PSMF1: variants seen among roughly 807,000 people sequenced by gnomAD.
PSMF1 encodes the protein proteasome inhibitor subunit 1.
A neutral mutation model predicts 29.3 loss-of-function variants in PSMF1; 30 were observed. The observed-to-expected ratio is 1.02, with a 90% CI of 0.77 to 1.39. The LOEUF (loss-of-function observed/expected upper bound fraction) is 1.39. Ranked by LOEUF, PSMF1 falls within the 40% of genes most tolerant of loss-of-function variation. PSMF1 has a pLI of 0.00. For missense variants in PSMF1, 344 were observed against 357.5 expected (o/e 0.96, Z 0.31); for synonymous variants, 134 against 139.7 (o/e 0.96, Z 0.29).
intron 3 of PSMF1, among the ~76,000 whole-genome samples, chr20:1,129,036 T>G (rs1817733321): frequency 6.6e-6 from 1 of 151,810 alleles, no homozygotes; most frequent in African/African-American, 2.4e-5. Context: ...CCACCACGCC[T>G]GGCAATTTTT....
At position 1,166,244 on chromosome 20, in the gene PSMF1, G is replaced by A. The variant is rs773316579; in HGVS notation, c.*1164G>A. The A allele has an allele frequency of 1.1e-4, 173 of 1,612,438 alleles. No homozygotes were observed. The highest frequency in any genetic ancestry group is 1.8e-4 in the Admixed American group (11 of 59,990). Reference sequence around the variant, plus strand: ...CTTTTCAGCCCGAGGCCTGACAGACGCGGGCAGTGATGAGCCCTGTTCTGG... The same window carrying A: ...CTTTTCAGCCCGAGGCCTGACAGACACGGGCAGTGATGAGCCCTGTTCTGG... On this transcript the variant is annotated 3_prime_UTR_variant, in exon 7 of 7. Coordinates refer to ENST00000335877, the MANE Select transcript of PSMF1 (RefSeq NM_006814.5).
In PSMF1 at chr20:1,118,892, T is replaced by A. The variant is rs781158976; in HGVS notation, c.119T>A (p.Val40Asp). The change falls in exon 1 of 7, where the codon GTC becomes GAC. Residue 40 changes from valine to aspartate, a missense_variant. Coordinates refer to ENST00000335877, the MANE Select transcript of PSMF1 (RefSeq NM_006814.5). ...VVTHGYFGLG[V>D]GDQPGPNDKK... is the part of the protein sequence containing the mutation. ...ACACACGGTTACTTCGGCTTGGGTG[T>A]CGGTGACCAGGTACGCCACGGAGCC... 3 of 1,614,014 alleles carry A rather than the reference T, an allele frequency of 1.9e-6. No homozygotes were observed. The highest frequency in any genetic ancestry group is 2.5e-6 in the Non-Finnish European group (3 of 1,179,944).
rs138434060 is a variant in PSMF1 at position 1,125,604 on chromosome 20, T to C, written c.236T>C (p.Leu79Pro). The C allele has an allele frequency of 6.2e-6, 10 of 1,613,908 alleles. No individual in the cohort carries two copies. Among genetic ancestry groups the C allele is most frequent in the African/African-American group, 2.7e-5 (2 of 74,898 alleles). ...YEYKDGSRKLLVKAITVESSM... is the reference protein window; with the variant it reads ...YEYKDGSRKLPVKAITVESSM... ...TATAAGGATGGGTCCAGAAAGCTCC[T>C]TGTGAAAGCCATCACCGTGGAGAGC... The change falls in exon 2 of 7, where the codon CTT (leucine) becomes CCT (proline). Residue 79 changes from leucine to proline, a missense_variant. Leu to Pro is a moderately conservative substitution (Grantham distance 98, BLOSUM62 -3). Coordinates refer to ENST00000335877, the MANE Select transcript of PSMF1 (RefSeq NM_006814.5).
In PSMF1 at chr20:1,125,578, G is replaced by A; in HGVS notation, c.210G>A (p.Glu70=). Reference sequence around the variant, plus strand: ...AAGACCTGTATGTCCTCCGGTATGAGTATAAGGATGGGTCCAGAAAGCTCC... The same window carrying A: ...AAGACCTGTATGTCCTCCGGTATGAATATAAGGATGGGTCCAGAAAGCTCC... ...NNKDLYVLRY[E]YKDGSRKLLV... The change falls in exon 2 of 7, where the codon GAG becomes GAA. Residue 70 remains glutamate (E), a synonymous_variant. Coordinates refer to ENST00000335877, the MANE Select transcript of PSMF1 (RefSeq NM_006814.5). 1.2e-6 allele frequency: 2 copies of A among 1,614,146 alleles called. No individual in the cohort carries two copies. Among genetic ancestry groups the A allele is most frequent in the South Asian group, 2.2e-5 (2 of 91,076 alleles).
At position 1,127,483 on chromosome 20, in the gene PSMF1, G is replaced by T. The variant is rs1043739623; in HGVS notation, c.340G>T (p.Ala114Ser). 7 of 1,606,452 alleles carry T rather than the reference G, an allele frequency of 4.4e-6. No individual in the cohort carries two copies. Among genetic ancestry groups the T allele is most frequent in the Non-Finnish European group, 6.0e-6 (7 of 1,173,074 alleles). Residue 114 changes from alanine (A) to serine (S), a missense_variant, in exon 3 of 7, where the codon GCA (alanine) becomes TCA (serine). By Grantham distance (99) the Ala-to-Ser change is moderately conservative. Transcript: ENST00000335877. ...LTLNLDDYIDAEHLGDFHRTY... is the reference protein window; with the variant it reads ...LTLNLDDYIDSEHLGDFHRTY... The stretch of plus-strand genomic sequence containing the variant: ...CCTGAACTTGGATGATTATATCGAT[G>T]CAGAACACCTGGGTGACTTCCACAG...
intron 4 of PSMF1, among the ~76,000 whole-genome samples, chr20:1,158,761 AGTTCAGAGGCCAT>A (rs1406892203): frequency 6.6e-6 from 1 of 152,168 alleles, no homozygotes. Context: ...CAGGGGTTTG[AGTTCAGAGGCCAT>A]GTACGAAAAT....
intron 3 of PSMF1, among the ~76,000 whole-genome samples, chr20:1,132,670 T>C (rs1679413358): frequency 6.6e-6 from 1 of 152,164 alleles, no homozygotes; most frequent in East Asian, 1.9e-4. Flanking sequence ...ACCTATAGAT[T>C]AGTTTGGGGA....
intron 1 of PSMF1, among the ~76,000 whole-genome samples, chr20:1,121,266 G>C (rs923713522): frequency 6.6e-6 from 1 of 152,164 alleles, no homozygotes; most frequent in Non-Finnish European, 1.5e-5. Context: ...AGGCCCAGGA[G>C]CCTGGGGAAT....
At chr20:1,152,304 T>C (rs2086541312) in intron 4 of PSMF1, among the ~76,000 whole-genome samples, 1 of 152,218 alleles carries the variant, frequency 6.6e-6, no homozygotes, top group Admixed American at 6.5e-5. Flanking sequence ...AAGCAACACA[T>C]CTTATGAGCA....
In PSMF1 at chr20:1,166,195, C is replaced by G; in HGVS notation, c.*1115C>G. The G allele has an allele frequency of 6.2e-7, 1 of 1,611,504 alleles. No individual in the cohort carries two copies. The highest frequency in any genetic ancestry group is 1.7e-5 in the Admixed American group (1 of 59,890). ...CCCTGCACCTTGTGTCCTGGCCCACCTGACCTTTGGTGTTCTCCGGATCCT... is the reference window on the plus strand; with the variant it reads ...CCCTGCACCTTGTGTCCTGGCCCACGTGACCTTTGGTGTTCTCCGGATCCT... On this transcript the variant is annotated 3_prime_UTR_variant, in exon 7 of 7. Transcript: ENST00000335877.
At chr20:1,113,681 T>C (rs2085988467), upstream of PSMF1, among the ~76,000 whole-genome samples, 1 of 151,936 alleles carries the variant, frequency 6.6e-6, no homozygotes, top group African/African-American at 2.4e-5. Flanking sequence ...ACTTTCTTCT[T>C]CTTCTTTTTT....
chr20:1,125,145 C>T (rs1279227469), intron 1 of PSMF1, among the ~76,000 whole-genome samples: 1 of 152,246 alleles, frequency 6.6e-6, no homozygotes, highest in Non-Finnish European at 1.5e-5. Flanking sequence ...AACGTCCAAA[C>T]TTTGAAAAAC....
rs1351669569 is a variant in PSMF1, at chr20:1,167,835, A to T, written c.*2755A>T. 6.6e-6 allele frequency: 1 copy of T among 152,174 alleles called. No homozygotes were observed. Among genetic ancestry groups the T allele is most frequent in the African/African-American group, 2.4e-5 (1 of 41,444 alleles). The allele number at this position is 152,174 out of a possible 1,614,324, so 9.4% of individuals were successfully genotyped here. A position where few individuals can be genotyped will look rare whatever the true frequency, so the allele number is the denominator to read the frequency against. On this transcript the variant is annotated 3_prime_UTR_variant, in exon 7 of 7. Transcript: ENST00000335877. Reference sequence around the variant, plus strand: ...AGTTGTTTGAGTTTCAGATGTTTTCAGTTCATTTGGGTATATACCAAGGAG... The same window carrying T: ...AGTTGTTTGAGTTTCAGATGTTTTCTGTTCATTTGGGTATATACCAAGGAG...
chr20:1,168,925 C>T lies in PSMF1; in HGVS notation c.*3845C>T, dbSNP rs995227140. Among the ~76,000 whole-genome samples, 30 of 152,164 alleles carry T rather than the reference C, an allele frequency of 2.0e-4. No individual in the cohort carries two copies. Among genetic ancestry groups the T allele is most frequent in the Non-Finnish European group, 1.2e-4 (8 of 68,026 alleles). ...ATAAAACTTGCATGTGTATAAACCACTATTGACTTTTTGCACCAAAGGAGA... is the reference window on the plus strand; with the variant it reads ...ATAAAACTTGCATGTGTATAAACCATTATTGACTTTTTGCACCAAAGGAGA... On this transcript the variant is annotated 3_prime_UTR_variant, in exon 7 of 7. Coordinates refer to ENST00000335877, the MANE Select transcript of PSMF1 (RefSeq NM_006814.5).
chr20:1,160,906 C>T, intron 4 of PSMF1: 1 of 444,746 alleles, frequency 2.2e-6, no homozygotes, highest in Non-Finnish European at 4.5e-6. Flanking sequence ...GACTGAGGGC[C>T]CCCTGAACCC....
intron 4 of PSMF1, among the ~76,000 whole-genome samples, chr20:1,148,206 A>C (rs1252485744): frequency 1.3e-5 from 2 of 152,186 alleles, no homozygotes; most frequent in African/African-American, 4.8e-5. Flanking sequence ...CTAGGCTAGG[A>C]GTATAGCTAG....
At chr20:1,119,028 C>G in intron 1 of PSMF1, 126 bp downstream of exon 1, 1 of 1,317,716 alleles carries the variant, frequency 7.6e-7, no homozygotes, top group Non-Finnish European at 1.0e-6. Flanking sequence ...GGGCAGATGG[C>G]AGCGTTGGTA....
At chr20:1,121,958 GT>G (rs1388765806) in intron 1 of PSMF1, among the ~76,000 whole-genome samples, 1 of 152,188 alleles carries the variant, frequency 6.6e-6, no homozygotes, top group Non-Finnish European at 1.5e-5. Context: ...TTTGTTTTCT[GT>G]TGTGGGAAAT....
intron 4 of PSMF1, among the ~76,000 whole-genome samples, chr20:1,154,216 TAGAGTC>T (rs1260047434): frequency 6.6e-6 from 1 of 152,254 alleles, no homozygotes; most frequent in Non-Finnish European, 1.5e-5. Context: ...ATCATTGTGT[TAGAGTC>T]AGATTATGGG....
Sources: gnomAD v4.1 joint callset for allele counts (sites outside exome capture counted in the v4.1 genomes callset) on GRCh38, gnomAD v4.1.1 for gene constraint, MANE v1.5 for transcripts, NCBI Gene and HGNC (gene_info 2026-07-23, HGNC 2026-07-21) for gene names.